The following SWT1 variants were observed in gnomAD, a reference collection of about 807,000 sequenced individuals.
The protein encoded by SWT1 is transcriptional protein SWT1.
A neutral mutation model predicts 107.3 loss-of-function variants in SWT1; 33 were observed. The observed-to-expected ratio is 0.31, with a 90% CI of 0.23 to 0.41. The LOEUF (loss-of-function observed/expected upper bound fraction) is 0.41. Among genes scored for constraint, SWT1 ranks in the 10% least tolerant of loss-of-function variants. SWT1 has a pLI of 1.00. For synonymous variants in SWT1, 345 were observed against 348.3 expected, an observed-to-expected ratio of 0.99 and a Z score of 0.11; for missense variants, 898 against 1,028.9, an observed-to-expected ratio of 0.87 and a Z score of 1.74.
At chr1:185,219,176 A>G (rs1010001801) in intron 14 of SWT1, among the ~76,000 whole-genome samples, 3 of 152,200 alleles carry the variant, frequency 2.0e-5, no homozygotes, top group Admixed American at 1.3e-4. Context: ...CCAGAAGATA[A>G]AGAAGGGTAA....
At chr1:185,261,905 C>T (rs938670084) in intron 16 of SWT1, among the ~76,000 whole-genome samples, 1 of 152,128 alleles carries the variant, frequency 6.6e-6, no homozygotes, top group Admixed American at 6.5e-5. Flanking sequence ...TCAAAAGTCT[C>T]TGCATCTAGT....
intron 14 of SWT1, among the ~76,000 whole-genome samples, chr1:185,217,184 T>C (rs1266204772): frequency 1.3e-5 from 2 of 152,174 alleles, no homozygotes; most frequent in Non-Finnish European, 2.9e-5. Flanking sequence ...CCTTTATTTT[T>C]GTGTTAGAAA....
intron 3 of SWT1, among the ~76,000 whole-genome samples, chr1:185,167,142 A>T (rs750742018): frequency 1.2e-4 from 19 of 152,284 alleles, no homozygotes; most frequent in Admixed American, 3.3e-4. Flanking sequence ...TCCTGACCTC[A>T]AGTGATCTGC....
intron 16 of SWT1, chr1:185,263,208 A>C (rs987396809): frequency 1.2e-4 from 18 of 152,122 alleles, no homozygotes; most frequent in African/African-American, 3.9e-4. Context: ...ATTCTGCAGT[A>C]CTGGAGGTTA....
At chr1:185,256,046 G>T (rs1381928901) in intron 16 of SWT1, among the ~76,000 whole-genome samples, 1 of 151,456 alleles carries the variant, frequency 6.6e-6, no homozygotes, top group Admixed American at 6.6e-5. Context: ...ATGAAGCTTA[G>T]TTTGGCTGGA....
At chr1:185,197,277 A>T (rs1657476499) in intron 10 of SWT1, among the ~76,000 whole-genome samples, 1 of 152,146 alleles carries the variant, frequency 6.6e-6, no homozygotes, top group Non-Finnish European at 1.5e-5. Flanking sequence ...ATTGATTTGC[A>T]TATGTTGAAG....
chr1:185,282,686 A>G (rs144033970), intron 18 of SWT1, among the ~76,000 whole-genome samples: 315 of 152,184 alleles, frequency 2.1e-3, no homozygotes, highest in African/African-American at 7.2e-3. Context: ...AGTGGGGGGC[A>G]GTCTTGTTTG....
intron 3 of SWT1, among the ~76,000 whole-genome samples, chr1:185,167,018 C>T (rs931374753): frequency 6.6e-6 from 1 of 152,152 alleles, no homozygotes. Flanking sequence ...AGCGATTCTC[C>T]TGCCTCAGGC....
intron 16 of SWT1, among the ~76,000 whole-genome samples, chr1:185,239,576 T>C (rs1661120973): frequency 6.6e-6 from 1 of 152,066 alleles, no homozygotes. Flanking sequence ...TCAATTAGCT[T>C]ATTTGCTATT....
At chr1:185,231,014 G>A (rs1660472911) in intron 15 of SWT1, among the ~76,000 whole-genome samples, 1 of 152,162 alleles carries the variant, frequency 6.6e-6, no homozygotes, top group African/African-American at 2.4e-5. Flanking sequence ...CTTTCAAAGT[G>A]TTGAGATGAC....
chr1:185,186,140 A>G (rs886869312), intron 9 of SWT1, among the ~76,000 whole-genome samples: 2 of 152,212 alleles, frequency 1.3e-5, no homozygotes, highest in African/African-American at 4.8e-5. Flanking sequence ...GAGTTAATAT[A>G]TTAAACTAAT....
At chr1:185,267,636 A>G (rs1486028523) in intron 16 of SWT1, among the ~76,000 whole-genome samples, 1 of 152,214 alleles carries the variant, frequency 6.6e-6, no homozygotes, top group Admixed American at 6.5e-5. Context: ...CTTCATATGC[A>G]TTTGAACAAA....
chr1:185,234,541 C>A (rs1660726595), intron 16 of SWT1, among the ~76,000 whole-genome samples: 1 of 152,054 alleles, frequency 6.6e-6, no homozygotes, highest in Non-Finnish European at 1.5e-5. Flanking sequence ...TACTGCACAC[C>A]AATGGATCTT....
chr1:185,187,957 T>G (rs1365341595), intron 9 of SWT1, among the ~76,000 whole-genome samples: 1 of 152,092 alleles, frequency 6.6e-6, no homozygotes, highest in Non-Finnish European at 1.5e-5. Flanking sequence ...CTTCCCAGAG[T>G]GCTGGGATTA....
intron 16 of SWT1, chr1:185,264,549 T>A: frequency 3.0e-6 from 2 of 663,022 alleles, no homozygotes; most frequent in Non-Finnish European, 3.7e-6. Flanking sequence ...TTACCTATGT[T>A]AACTCATTTA....
At chr1:185,230,266 A>C (rs1033850202) in intron 15 of SWT1, among the ~76,000 whole-genome samples, 10 of 152,230 alleles carry the variant, frequency 6.6e-5, no homozygotes, top group Non-Finnish European at 1.3e-4. Flanking sequence ...GCTGTAGCAA[A>C]GTATCACAAA....
In SWT1 at chr1:185,291,176, C is replaced by T. The variant is rs1223983825; in HGVS notation, c.*373C>T. On this transcript the variant is annotated 3_prime_UTR_variant, in exon 19 of 19. Coordinates refer to ENST00000367500, the MANE Select transcript of SWT1 (RefSeq NM_017673.7). ...CATTTCTTTCAACCCTAAGTATGGGCATGTGACCAGAGACACTGCCAAACC... is the reference window on the plus strand; with the variant it reads ...CATTTCTTTCAACCCTAAGTATGGGTATGTGACCAGAGACACTGCCAAACC... 1 of 154,042 alleles carries T rather than the reference C, an allele frequency of 6.5e-6. No homozygotes were observed. The highest frequency in any genetic ancestry group is 1.4e-5 in the Non-Finnish European group (1 of 69,034). The allele number at this position is 154,042 out of a possible 1,614,324, so 9.5% of individuals were successfully genotyped here.
intron 2 of SWT1, among the ~76,000 whole-genome samples, chr1:185,162,244 C>A (rs1031513400): frequency 6.6e-6 from 1 of 152,154 alleles, no homozygotes; most frequent in Non-Finnish European, 1.5e-5. Flanking sequence ...CAGACTTTTT[C>A]TTTCCGTAAC....
intron 18 of SWT1, among the ~76,000 whole-genome samples, chr1:185,289,766 CAT>C (rs1309430009): frequency 6.6e-6 from 1 of 152,096 alleles, no homozygotes; most frequent in African/African-American, 2.4e-5. Context: ...CAGATACCCA[CAT>C]GTTCTCACTG....
Sources: allele counts gnomAD v4.1 joint callset (sites outside exome capture counted in the v4.1 genomes callset), GRCh38; gene constraint gnomAD v4.1.1; transcripts MANE v1.5; gene names NCBI Gene and HGNC (gene_info 2026-07-23, HGNC 2026-07-21).